The following PFKFB3 variants were observed in gnomAD, a reference collection of about 807,000 sequenced individuals.
The protein encoded by PFKFB3 is 6-phosphofructo-2-kinase/fructose-2,6-biphosphatase 3, also known as 6-phosphofructo-2-kinase/fructose-2,6-bisphosphatase 3.
In PFKFB3, 33 loss-of-function variants were observed where a neutral mutation model predicts 68.0. The ratio of observed to expected loss-of-function variants is 0.49; its 90% confidence interval spans 0.37 to 0.65. The LOEUF (loss-of-function observed/expected upper bound fraction) is 0.65, where lower values mean the gene tolerates loss of function less well. Ranked by LOEUF, PFKFB3 falls within the 30% of genes least tolerant of loss-of-function variation. The probability of loss-of-function intolerance (pLI) is 0.00; values close to 1 mark genes in which losing one functional copy is unlikely to be tolerated. For missense variants in PFKFB3, 586 were observed against 712.2 expected, an observed-to-expected ratio of 0.82 and a Z score of 2.02; for synonymous variants, 315 against 288.2, an observed-to-expected ratio of 1.09 and a Z score of -0.94.
intron 1 of PFKFB3, among the ~76,000 whole-genome samples, chr10:6,212,193 C>T (rs78422459): frequency 7.7e-4 from 117 of 152,338 alleles, no homozygotes; most frequent in Admixed American, 2.0e-3. Flanking sequence ...GCCGCCCAGG[C>T]GGGAGCTGGC....
Position 6,226,209 on chromosome 10 carries a change from T to A in PFKFB3, c.1359T>A (p.Pro453=). ...TTGCTTAGGATGCAAAGAAGGGACC[T>A]AACCCGCTCATGAGACGCAATAGTG... The part of the protein sequence containing the change: ...RERSEDAKKG[P]NPLMRRNSVT... Residue 453 remains proline, a synonymous_variant, in exon 14 of 15, where the codon CCT becomes CCA. Coordinates refer to ENST00000379775, the MANE Select transcript of PFKFB3 (RefSeq NM_004566.4). 1 of 1,607,772 alleles carries A rather than the reference T, an allele frequency of 6.2e-7. No homozygotes were observed. Among genetic ancestry groups the A allele is most frequent in the South Asian group, 1.1e-5 (1 of 90,496 alleles).
At chr10:6,177,591 TCTCGG>T (rs1210903308) in intron 1 of PFKFB3, among the ~76,000 whole-genome samples, 1 of 150,302 alleles carries the variant, frequency 6.7e-6, no homozygotes, top group Non-Finnish European at 1.5e-5. Flanking sequence ...AATGGTGCGA[TCTCGG>T]CTCACTACAA....
chr10:6,180,517 T>C (rs992559130), intron 1 of PFKFB3, among the ~76,000 whole-genome samples: 2 of 152,210 alleles, frequency 1.3e-5, no homozygotes, highest in Non-Finnish European at 2.9e-5. Flanking sequence ...CAAGCTGGAG[T>C]ACAGTGGCTC....
chr10:6,147,753 G>A lies in PFKFB3; in HGVS notation c.16+2740G>A, dbSNP rs141330840. 4.8e-3 allele frequency among the ~76,000 whole-genome samples: 726 copies of A among 152,220 alleles called. 1 individual carries two copies. The highest frequency in any genetic ancestry group is 0.016 in the African/African-American group (683 of 41,510). On this transcript the variant is annotated intron_variant, in intron 1 of 14. Transcript: ENST00000379789. ...TCATGGCTTTGGCAGCCAGAGGGCCGGGGAGCCTGACGGGGTGGTCCATAC... is the reference window on the plus strand; with the variant it reads ...TCATGGCTTTGGCAGCCAGAGGGCCAGGGAGCCTGACGGGGTGGTCCATAC...
the PFKFB3 span, among the ~76,000 whole-genome samples, chr10:6,300,356 T>G: frequency 3.9e-5 from 6 of 152,164 alleles, no homozygotes; most frequent in African/African-American, 1.4e-4. Flanking sequence ...ACGTAACAGA[T>G]GTTTAATAAA....
chr10:6,214,711 G>T (rs1844447416), intron 2 of PFKFB3, among the ~76,000 whole-genome samples: 1 of 152,084 alleles, frequency 6.6e-6, no homozygotes, highest in Non-Finnish European at 1.5e-5. Context: ...TGGTTTTTAT[G>T]TTTACCATCC....
rs1410843403 is a variant in PFKFB3, at chr10:6,233,679, C to T, written c.*737C>T. 1 of 152,840 alleles carries T rather than the reference C, an allele frequency of 6.5e-6. No individual in the cohort carries two copies. The highest frequency in any genetic ancestry group is 2.4e-5 in the African/African-American group (1 of 41,472). 9.5% of individuals were successfully genotyped at this position (152,840 alleles called of 1,614,324 possible). On this transcript the variant is annotated 3_prime_UTR_variant, in exon 15 of 15. Transcript: ENST00000379775. ...GGGGCCTCCTGCTCCCAGGGAGCTC[C>T]AGGGCCCCTCTCTCCTCCCACCTGG...
the PFKFB3 span, among the ~76,000 whole-genome samples, chr10:6,268,420 T>A: frequency 1.7e-4 from 26 of 150,830 alleles, no homozygotes; most frequent in African/African-American, 6.1e-4. Context: ...AGGTCAGGAG[T>A]TTGAGACCAG....
intron 10 of PFKFB3, among the ~76,000 whole-genome samples, 168 bp downstream of exon 10, chr10:6,221,913 T>C (rs1844991557): frequency 6.6e-6 from 1 of 151,758 alleles, no homozygotes; most frequent in Non-Finnish European, 1.5e-5. Flanking sequence ...CAGCCTGGGG[T>C]GAAGTGCATT....
intron 1 of PFKFB3, among the ~76,000 whole-genome samples, chr10:6,205,827 TCA>T (rs1333813066): frequency 1.3e-5 from 2 of 151,734 alleles, no homozygotes; most frequent in Non-Finnish European, 2.9e-5. Context: ...AGGTGGAGTC[TCA>T]CACTGTCACC....
chr10:6,195,796 G>T (rs1396361331), intron 1 of PFKFB3, among the ~76,000 whole-genome samples: 2 of 152,216 alleles, frequency 1.3e-5, no homozygotes, highest in East Asian at 3.8e-4. Context: ...GGCTGCTCTG[G>T]CAGAGCCAAG....
the PFKFB3 span, among the ~76,000 whole-genome samples, chr10:6,304,151 G>A: frequency 3.5e-4 from 54 of 152,272 alleles, no homozygotes; most frequent in African/African-American, 1.3e-3. Flanking sequence ...GACCAATTGT[G>A]CTAATCTGGA....
At chr10:6,325,597 T>C in the PFKFB3 span, among the ~76,000 whole-genome samples, 1 of 152,344 alleles carries the variant, frequency 6.6e-6, no homozygotes, top group African/African-American at 2.4e-5. Context: ...ATTTTGCCTT[T>C]CATGGAGACA....
At chr10:6,174,253 A>G (rs1252943044) in intron 1 of PFKFB3, among the ~76,000 whole-genome samples, 1 of 152,250 alleles carries the variant, frequency 6.6e-6, no homozygotes, top group Non-Finnish European at 1.5e-5. Context: ...CCTTCATGCC[A>G]ATGACCCAGG....
chr10:6,220,982 CTGTGTGTGT>C lies in PFKFB3; in HGVS notation c.831+119_831+127del. The C allele has an allele frequency of 1.0e-6, 1 of 985,996 alleles. No homozygotes were observed. Among genetic ancestry groups the C allele is most frequent in the Non-Finnish European group, 1.6e-6 (1 of 633,906 alleles). The allele number at this position is 985,996 out of a possible 1,614,324, so 61.1% of individuals were successfully genotyped here. A position where few individuals can be genotyped will look rare whatever the true frequency, so the allele number is the denominator to read the frequency against. ...CTGCTGCTGCTGCTTGGTGTGCTTG[CTGTGTGTGT>C]TATCTGTGTGTGCGCCTGCACGTCT... is the stretch of plus-strand genomic sequence containing the variant. On this transcript the variant is annotated intron_variant, in intron 8 of 14. Transcript: ENST00000379775. This position sits in a 1 kb window ranked among gnomAD's most constrained non-coding sequence, Gnocchi z 4.1.
chr10:6,176,334 G>A (rs577036385), intron 1 of PFKFB3, among the ~76,000 whole-genome samples: 12 of 152,222 alleles, frequency 7.9e-5, no homozygotes, highest in Non-Finnish European at 2.9e-5. Context: ...TTGATGGGTG[G>A]GGGTTGCATA....
At chr10:6,256,013 T>G (rs952131909), downstream of PFKFB3, among the ~76,000 whole-genome samples, 3 of 152,198 alleles carry the variant, frequency 2.0e-5, no homozygotes, top group African/African-American at 7.2e-5. Flanking sequence ...ACAAGGGGCG[T>G]AGGCTGCAGC....
downstream of PFKFB3, among the ~76,000 whole-genome samples, chr10:6,254,957 A>G (rs1846472549): frequency 6.6e-6 from 1 of 150,990 alleles, no homozygotes; most frequent in South Asian, 2.1e-4. Flanking sequence ...AGCTGGGATT[A>G]CAGGCACGTG....
rs140074833 is a variant in PFKFB3 at position 6,219,679 on chromosome 10, C to T, written c.609C>T (p.Pro203=). 71 of 1,613,762 alleles carry T rather than the reference C, an allele frequency of 4.4e-5. No individual in the cohort carries two copies. Among genetic ancestry groups the T allele is most frequent in the East Asian group, 1.3e-4 (6 of 44,884 alleles). Residue 203 remains proline, a synonymous_variant, in exon 7 of 15, where the codon CCC becomes CCT. Coordinates refer to ENST00000379775, the MANE Select transcript of PFKFB3 (RefSeq NM_004566.4). ...AAGCCAGCTACCAGCCCCTCGACCC[C>T]GACAAATGCGACAGGTGATTCCCGT... ...CYEASYQPLD[P]DKCDRDLSLI... is the part of the protein sequence containing the mutation.
Sources: gnomAD v4.1 joint callset for allele counts (sites outside exome capture counted in the v4.1 genomes callset) on GRCh38, gnomAD v4.1.1 for gene constraint, Gnocchi (gnomAD v3.1) non-coding constraint, MANE v1.5 for transcripts, NCBI Gene and HGNC (gene_info 2026-07-23, HGNC 2026-07-21) for gene names.